Variants in TP63 observed in about 807,000 individuals in gnomAD.
TP63 encodes tumor protein 63.
A neutral mutation model predicts 82.8 loss-of-function variants in TP63; 17 were observed. The ratio of observed to expected loss-of-function variants is 0.21; its 90% CI spans 0.14 to 0.31. The LOEUF is 0.31. Ranked by LOEUF, TP63 falls within the 10% of genes least tolerant of loss-of-function variation. TP63 has a pLI of 1.00. For missense variants in TP63, 648 were observed against 895.3 expected (o/e 0.72, Z 3.52); for synonymous variants, 330 against 321.7 (o/e 1.03, Z -0.28).
chr3:189,841,718 C>T (rs1415470358), intron 4 of TP63, among the ~76,000 whole-genome samples: 1 of 152,168 alleles, frequency 6.6e-6, no homozygotes, highest in African/African-American at 2.4e-5. Context: ...ATGATGCAAC[C>T]TTCAGTAGAG....
At chr3:189,697,915 A>G (rs1290510689) in intron 1 of TP63, among the ~76,000 whole-genome samples, 2 of 152,062 alleles carry the variant, frequency 1.3e-5, no homozygotes, top group East Asian at 3.9e-4. Context: ...GTTGCTTATT[A>G]GTTTCAAGAG....
intron 1 of TP63, among the ~76,000 whole-genome samples, chr3:189,644,122 C>T (rs962864742): frequency 6.6e-6 from 1 of 152,156 alleles, no homozygotes; most frequent in Non-Finnish European, 1.5e-5. Flanking sequence ...TACCAATCCA[C>T]ACAAATGCCC....
At chr3:189,848,751 C>A (rs1242310682) in intron 4 of TP63, among the ~76,000 whole-genome samples, 1 of 152,128 alleles carries the variant, frequency 6.6e-6, no homozygotes, top group Non-Finnish European at 1.5e-5. Flanking sequence ...GTTGTGCAAC[C>A]TTTAGAAATC....
At chr3:189,865,870 C>T (rs116070742) in intron 5 of TP63, among the ~76,000 whole-genome samples, 3,562 of 152,180 alleles carry the variant, frequency 0.023, 133 homozygotes, top group African/African-American at 0.081. Flanking sequence ...AAGCGTTTTC[C>T]CATTTTTTAA....
chr3:189,840,857 CAAAAAA>C (rs58360712), intron 4 of TP63, among the ~76,000 whole-genome samples: 6 of 97,314 alleles, frequency 6.2e-5, no homozygotes, highest in Non-Finnish European at 8.2e-5. Flanking sequence ...ACTCAGTCTC[CAAAAAA>C]AAAAAAAAAA....
chr3:189,834,343 C>CT lies in TP63; in HGVS notation c.579+25826dup, dbSNP rs999918061. Among the ~76,000 whole-genome samples, 61 of 151,180 alleles carry CT rather than the reference C, an allele frequency of 4.0e-4. 1 individual carries two copies. The East Asian group carries it at 9.9e-3, about 25-fold the overall frequency. On this transcript the variant is annotated intron_variant, in intron 4 of 13. Transcript: ENST00000264731. ...GACAGTGCTTTGATAGTCTGACAGT[C>CT]TTTTTTTTTAAGTTTTGGGAGGAAA...
At chr3:189,655,011 G>A (rs1713213144) in intron 1 of TP63, among the ~76,000 whole-genome samples, 1 of 152,130 alleles carries the variant, frequency 6.6e-6, no homozygotes, top group Admixed American at 6.6e-5. Context: ...GACTACTGCA[G>A]TGCTGTTAAG....
intron 1 of TP63, among the ~76,000 whole-genome samples, chr3:189,694,195 T>C (rs907717025): frequency 6.6e-6 from 1 of 152,202 alleles, no homozygotes; most frequent in East Asian, 1.9e-4. Flanking sequence ...TAGAACAGTA[T>C]ACAATTTACA....
rs1051684239 is a variant in TP63 at position 189,864,133 on chromosome 3, C to A, written c.580-99C>A. The A allele has an allele frequency of 1.2e-5, 18 of 1,521,042 alleles. No homozygotes were observed. The African/African-American group carries it at 2.2e-4, about 19-fold the overall frequency. The allele number at this position is 1,521,042 out of a possible 1,614,324, so 94.2% of individuals were successfully genotyped here. A position where few individuals can be genotyped will look rare whatever the true frequency, so the allele number is the denominator to read the frequency against. On this transcript the variant is annotated intron_variant, in intron 4 of 13. Coordinates refer to ENST00000264731, the MANE Select transcript of TP63 (RefSeq NM_003722.5). ...AGTAGTAAACAGGCAGCATGCAGCT[C>A]TAAAAAGTGGACAGATTTTCATTGT...
chr3:189,605,119 A>T, the TP63 span, among the ~76,000 whole-genome samples: 1 of 152,200 alleles, frequency 6.6e-6, no homozygotes, highest in East Asian at 1.9e-4. Flanking sequence ...GAGGAGAAGG[A>T]AAAAAGGCCT....
chr3:189,739,615 G>A (rs1211323997), intron 3 of TP63, among the ~76,000 whole-genome samples: 1 of 152,116 alleles, frequency 6.6e-6, no homozygotes, highest in Non-Finnish European at 1.5e-5. Flanking sequence ...ATACCACTGA[G>A]TCACTCGTGA....
rs540478132 is a variant in TP63, at chr3:189,845,162, C to CT, written c.580-19062dup. On this transcript the variant is annotated intron_variant, in intron 4 of 13. Coordinates refer to ENST00000264731, the MANE Select transcript of TP63 (RefSeq NM_003722.5). ...TTGTTCTGAGAGCTTTAGAGCTTGA[C>CT]TTTTTTTTCTTCCTGTCAAGTATTT... Among the ~76,000 whole-genome samples the CT allele has an allele frequency of 3.9e-5, 6 of 152,210 alleles. No individual in the cohort carries two copies. The South Asian group carries it at 1.2e-3, about 32-fold the overall frequency.
chr3:189,719,070 G>C (rs1436076488), intron 1 of TP63, among the ~76,000 whole-genome samples: 2 of 152,038 alleles, frequency 1.3e-5, no homozygotes, highest in African/African-American at 2.4e-5. Flanking sequence ...TTGAAGTGTA[G>C]GGTAAGAGGA....
Position 189,879,328 on chromosome 3 carries a change from G to A in TP63, c.1349+6333G>A, listed in dbSNP as rs561688051. ...GCCCAACTTTCAGCAAAATAAAAGG[G>A]TTTATTTCTGGCATCCTCGTGGTGT... On this transcript the variant is annotated intron_variant, in intron 10 of 13. Transcript: ENST00000264731. Among the ~76,000 whole-genome samples the A allele has an allele frequency of 1.6e-4, 25 of 152,278 alleles. No homozygotes were observed. The South Asian group carries it at 4.2e-3, about 25-fold the overall frequency.
At chr3:189,816,094 A>G (rs757603462) in intron 4 of TP63, among the ~76,000 whole-genome samples, 10 of 152,230 alleles carry the variant, frequency 6.6e-5, no homozygotes, top group Non-Finnish European at 1.5e-4. Flanking sequence ...AGTTGCACTC[A>G]GAAAAGAGCT....
At chr3:189,819,298 TTTA>T (rs1231270546) in intron 4 of TP63, among the ~76,000 whole-genome samples, 6 of 152,066 alleles carry the variant, frequency 3.9e-5, no homozygotes, top group Admixed American at 3.9e-4. Flanking sequence ...TTTTTTAAAT[TTTA>T]TTATTATTAT....
intron 3 of TP63, among the ~76,000 whole-genome samples, chr3:189,743,480 A>G (rs1487478088): frequency 6.6e-6 from 1 of 151,162 alleles, no homozygotes; most frequent in Non-Finnish European, 1.5e-5. Context: ...CTATTCAAAT[A>G]TAAATAAGTA....
chr3:189,678,899 G>C (rs1408508808), intron 1 of TP63, among the ~76,000 whole-genome samples: 1 of 151,834 alleles, frequency 6.6e-6, no homozygotes, highest in Non-Finnish European at 1.5e-5. Flanking sequence ...TTGTTTCTTA[G>C]TTTGGTTGTT....
chr3:189,633,000 A>T (rs1222878336), intron 1 of TP63, among the ~76,000 whole-genome samples: 1 of 152,090 alleles, frequency 6.6e-6, no homozygotes, highest in Non-Finnish European at 1.5e-5. Context: ...ACTTGGAACC[A>T]GGGAAGCTTT....
Sources: gnomAD v4.1 joint callset for allele counts (sites outside exome capture counted in the v4.1 genomes callset) on GRCh38, gnomAD v4.1.1 for gene constraint, MANE v1.5 for transcripts, NCBI Gene and HGNC (gene_info 2026-07-23, HGNC 2026-07-21) for gene names.